Variants in DPP6 observed in about 807,000 individuals in gnomAD.
DPP6 encodes A-type potassium channel modulatory protein DPP6.
Under a neutral mutation model 122.6 loss-of-function variants are expected in DPP6, and 69 were observed. The ratio of observed to expected loss-of-function variants is 0.56; its 90% CI spans 0.46 to 0.69. DPP6 has a LOEUF of 0.69. Ranked by LOEUF, DPP6 falls within the 30% of genes least tolerant of loss-of-function variation. The pLI, the probability that DPP6 is intolerant of heterozygous loss-of-function variation, is 0.00. For synonymous variants in DPP6, 418 were observed against 433.1 expected, an observed-to-expected ratio of 0.97 and a Z score of 0.43; for missense variants, 928 against 1,116.9, an observed-to-expected ratio of 0.83 and a Z score of 2.41.
the DPP6 span, among the ~76,000 whole-genome samples, chr7:153,773,978 TAA>T: frequency 2.7e-5 from 4 of 149,386 alleles, no homozygotes; most frequent in Non-Finnish European, 5.9e-5. Flanking sequence ...CAAGAGAAAA[TAA>T]AAGACATAAA....
chr7:154,735,225 C>T (rs891560353), intron 8 of DPP6, among the ~76,000 whole-genome samples: 1 of 152,154 alleles, frequency 6.6e-6, no homozygotes, highest in African/African-American at 2.4e-5. Context: ...TTAGATTCTC[C>T]AAGCTGAAAT....
chr7:154,336,952 C>T (rs1335358281), intron 1 of DPP6, among the ~76,000 whole-genome samples: 1 of 152,118 alleles, frequency 6.6e-6, no homozygotes, highest in African/African-American at 2.4e-5. Context: ...AAGTGGCAGC[C>T]GAGACCCGGC....
intron 10 of DPP6, among the ~76,000 whole-genome samples, chr7:154,783,682 C>A (rs542239746): frequency 2.0e-5 from 3 of 152,196 alleles, no homozygotes; most frequent in African/African-American, 7.2e-5. Context: ...TTTGTCCCCT[C>A]GAGAGACAGT....
At chr7:154,466,470 C>T (rs535599120) in intron 2 of DPP6, among the ~76,000 whole-genome samples, 33 of 152,260 alleles carry the variant, frequency 2.2e-4, no homozygotes, top group African/African-American at 5.3e-4. Context: ...GCCTGCAGAC[C>T]GCACCTTCTT....
At chr7:153,792,666 T>C in the DPP6 span, among the ~76,000 whole-genome samples, 1 of 152,178 alleles carries the variant, frequency 6.6e-6, no homozygotes, top group African/African-American at 2.4e-5. Context: ...TGTTCTTTTT[T>C]TTTTTCAGAG....
chr7:154,122,798 T>G (rs1807581791), intron 1 of DPP6, among the ~76,000 whole-genome samples: 1 of 152,224 alleles, frequency 6.6e-6, no homozygotes, highest in African/African-American at 2.4e-5. Context: ...CCTCGAATTA[T>G]CAGACCCTTC....
intron 2 of DPP6, among the ~76,000 whole-genome samples, chr7:154,472,440 T>G (rs1477784909): frequency 7.9e-6 from 1 of 126,352 alleles, no homozygotes; most frequent in East Asian, 2.4e-4. Flanking sequence ...CCTCTTTCCT[T>G]CAGCAAGTCC....
chr7:154,426,808 TAAAA>T lies in DPP6; in HGVS notation c.244-19386_244-19383del, dbSNP rs34741334. Among the ~76,000 whole-genome samples, 559 of 109,670 alleles carry T rather than the reference TAAAA, an allele frequency of 5.1e-3. 9 individuals are homozygous for T. Among genetic ancestry groups the T allele is most frequent in the Admixed American group, 0.035 (346 of 9,954 alleles). The allele number at this position is 109,670 out of a possible 152,430, so 71.9% of individuals were successfully genotyped here. On this transcript the variant is annotated intron_variant, in intron 1 of 25. Coordinates refer to ENST00000377770, the MANE Select transcript of DPP6 (RefSeq NM_130797.4). ...GAGTAAGTTATTTGGTACTCTGCCTTAAAAAAAAAAAAAAAAAAAAAAACTGAGC... is the reference window on the plus strand; with the variant it reads ...GAGTAAGTTATTTGGTACTCTGCCTTAAAAAAAAAAAAAAAAAAACTGAGC...
intron 6 of DPP6, among the ~76,000 whole-genome samples, chr7:154,662,427 T>G: frequency 8.4e-6 from 1 of 119,404 alleles, no homozygotes; most frequent in Non-Finnish European, 1.8e-5. Flanking sequence ...GTATCGGCTG[T>G]AGTGTTCATA....
At chr7:154,390,987 G>A (rs886824773) in intron 1 of DPP6, among the ~76,000 whole-genome samples, 1 of 152,082 alleles carries the variant, frequency 6.6e-6, no homozygotes, top group Non-Finnish European at 1.5e-5. Context: ...TTACTTCTCC[G>A]CACCTCAATG....
chr7:153,780,631 G>A, the DPP6 span, among the ~76,000 whole-genome samples: 2 of 152,150 alleles, frequency 1.3e-5, no homozygotes, highest in East Asian at 1.9e-4. Context: ...TGTGATTGGC[G>A]AGAGGATTGG....
rs150611622 is a variant in DPP6, at chr7:154,219,412, C to T, written c.243+166349C>T. Reference sequence around the variant, plus strand: ...GGTTCTCTACTCCCTGAACCTGATTCAGCTGTGATAGTGGATAACCATTTT... The same window carrying T: ...GGTTCTCTACTCCCTGAACCTGATTTAGCTGTGATAGTGGATAACCATTTT... On this transcript the variant is annotated intron_variant, in intron 1 of 25. Transcript: ENST00000377770. Among the ~76,000 whole-genome samples, 278 of 152,328 alleles carry T rather than the reference C, an allele frequency of 1.8e-3. 1 individual carries two copies. The highest frequency in any genetic ancestry group is 6.3e-3 in the African/African-American group (262 of 41,576).
chr7:154,826,580 A>G (rs997410931), intron 16 of DPP6, among the ~76,000 whole-genome samples: 1 of 152,238 alleles, frequency 6.6e-6, no homozygotes, highest in Non-Finnish European at 1.5e-5. Flanking sequence ...TCTATGTGCT[A>G]GAGCTACAAA....
At chr7:154,709,558 G>C (rs1841041263) in intron 7 of DPP6, among the ~76,000 whole-genome samples, 1 of 150,420 alleles carries the variant, frequency 6.6e-6, no homozygotes, top group Admixed American at 6.7e-5. Flanking sequence ...ATATGTGTGA[G>C]TGTGATCTGT....
At chr7:154,406,445 A>G (rs1279577728) in intron 1 of DPP6, among the ~76,000 whole-genome samples, 4 of 147,794 alleles carry the variant, frequency 2.7e-5, no homozygotes, top group South Asian at 2.2e-4. Flanking sequence ...ACACACACAC[A>G]CACGCACACA....
chr7:154,852,500 G>GCCTCTCCTC (rs1554486772), intron 16 of DPP6, among the ~76,000 whole-genome samples: 9,626 of 143,886 alleles, frequency 0.067, 834 homozygotes, highest in African/African-American at 0.2. Flanking sequence ...TGCCTCTCCT[G>GCCTCTCCTC]CCTCTCCTCC....
At chr7:154,132,588 T>C (rs1795343997) in intron 1 of DPP6, among the ~76,000 whole-genome samples, 1 of 152,192 alleles carries the variant, frequency 6.6e-6, no homozygotes, top group Non-Finnish European at 1.5e-5. Flanking sequence ...CTCATTTCGG[T>C]TCAGTAGTCT....
intron 10 of DPP6, among the ~76,000 whole-genome samples, chr7:154,781,259 G>A (rs1797011232): frequency 6.6e-6 from 1 of 152,146 alleles, no homozygotes; most frequent in Non-Finnish European, 1.5e-5. Flanking sequence ...GAATGGCTGG[G>A]AAAAGGACAA....
chr7:154,103,865 C>A (rs1218716953), intron 1 of DPP6, among the ~76,000 whole-genome samples: 3 of 152,028 alleles, frequency 2.0e-5, no homozygotes, highest in African/African-American at 7.3e-5. Flanking sequence ...AGTGGTTTGC[C>A]GGGGGCTCTC....
Sources: allele counts gnomAD v4.1 joint callset (sites outside exome capture counted in the v4.1 genomes callset), GRCh38; gene constraint gnomAD v4.1.1; transcripts MANE v1.5; gene names NCBI Gene and HGNC (gene_info 2026-07-23, HGNC 2026-07-21).